Variants in LDLRAD3 observed in about 807,000 individuals in gnomAD.
LDLRAD3 encodes low-density lipoprotein receptor class A domain-containing protein 3.
LDLRAD3 carries 20 observed loss-of-function variants against 29.4 expected under a neutral mutation model. The ratio of observed to expected loss-of-function variants is 0.68; its 90% CI spans 0.48 to 0.99. The LOEUF is 0.99. Ranked by LOEUF, LDLRAD3 falls within the 50% of genes least tolerant of loss-of-function variation. LDLRAD3 has a pLI of 0.00. For synonymous variants in LDLRAD3, 157 were observed against 192.7 expected (o/e 0.81, Z 1.53); for missense variants, 420 against 454.3 (o/e 0.92, Z 0.69).
chr11:36,066,604 T>C (rs1441050551), intron 2 of LDLRAD3, among the ~76,000 whole-genome samples: 3 of 152,252 alleles, frequency 2.0e-5, no homozygotes, highest in African/African-American at 7.2e-5. Flanking sequence ...CTTTACATTA[T>C]AATTTCCTAA....
At chr11:36,176,645 T>C (rs944768143) in intron 4 of LDLRAD3, among the ~76,000 whole-genome samples, 19 of 152,170 alleles carry the variant, frequency 1.2e-4, no homozygotes, top group Non-Finnish European at 2.1e-4. Context: ...CTAGGACCAC[T>C]CCCTTCTAGC....
intron 4 of LDLRAD3, among the ~76,000 whole-genome samples, chr11:36,155,153 T>C (rs1854329932): frequency 6.6e-6 from 1 of 152,148 alleles, no homozygotes; most frequent in Admixed American, 6.6e-5. Flanking sequence ...CTCCCCAGAG[T>C]GGATCACAGC....
intron 4 of LDLRAD3, among the ~76,000 whole-genome samples, chr11:36,131,152 AGGCTCAT>A (rs1159427014): frequency 1.3e-5 from 2 of 152,228 alleles, no homozygotes; most frequent in Admixed American, 6.5e-5. Flanking sequence ...CATGCCTGTA[AGGCTCAT>A]GCCTTGAGAG....
At position 36,213,440 on chromosome 11, in the gene LDLRAD3, G is replaced by A. The variant is rs566095577; in HGVS notation, c.455-13645G>A. On this transcript the variant is annotated intron_variant, in intron 4 of 5. Coordinates refer to ENST00000315571, the MANE Select transcript of LDLRAD3 (RefSeq NM_174902.4). This position sits in a 1 kb window ranked among gnomAD's most constrained non-coding sequence, Gnocchi z 4.1. ...AATCCGCATCTAAATTGGGATGGGT[G>A]ATGTGCTTGGAATAGGGATCCGCAA... 6.6e-6 allele frequency among the ~76,000 whole-genome samples: 1 copy of A among 152,364 alleles called. No homozygotes were observed. The highest frequency in any genetic ancestry group is 1.9e-4 in the East Asian group (1 of 5,182).
chr11:36,141,168 G>T (rs1346855693), intron 4 of LDLRAD3, among the ~76,000 whole-genome samples: 1 of 152,148 alleles, frequency 6.6e-6, no homozygotes, highest in East Asian at 1.9e-4. Flanking sequence ...ATGTGAAAAT[G>T]CTCTGTCAAC....
intron 4 of LDLRAD3, among the ~76,000 whole-genome samples, chr11:36,146,104 T>C (rs1257245680): frequency 2.0e-5 from 3 of 151,818 alleles, no homozygotes; most frequent in Admixed American, 6.5e-5. Flanking sequence ...GCCAAATGAA[T>C]GGGTGCTGGT....
chr11:36,014,794 A>G (rs1355296721), intron 1 of LDLRAD3, among the ~76,000 whole-genome samples: 1 of 152,214 alleles, frequency 6.6e-6, no homozygotes, highest in African/African-American at 2.4e-5. Flanking sequence ...TCAAACATAA[A>G]TTATTCTGGA....
At chr11:36,050,698 A>G (rs1852514271) in intron 2 of LDLRAD3, among the ~76,000 whole-genome samples, 3 of 152,212 alleles carry the variant, frequency 2.0e-5, no homozygotes, top group Admixed American at 6.5e-5. Flanking sequence ...GTGTCCCTTT[A>G]GAAGGATGTA....
intron 1 of LDLRAD3, among the ~76,000 whole-genome samples, chr11:35,970,519 T>C (rs1590694662): frequency 6.6e-6 from 1 of 152,200 alleles, no homozygotes; most frequent in Non-Finnish European, 1.5e-5. Context: ...GCCTCTAGAA[T>C]TGTGAAAGAA....
intron 4 of LDLRAD3, among the ~76,000 whole-genome samples, chr11:36,159,761 G>A (rs1208368437): frequency 6.6e-6 from 1 of 151,898 alleles, no homozygotes; most frequent in African/African-American, 2.4e-5. Flanking sequence ...AACAGAGCGA[G>A]GCCCTCAAAA....
At chr11:36,003,279 T>C (rs1851846393) in intron 1 of LDLRAD3, among the ~76,000 whole-genome samples, 1 of 152,206 alleles carries the variant, frequency 6.6e-6, no homozygotes, top group Non-Finnish European at 1.5e-5. Context: ...GCTGCCAGGT[T>C]CTGTTCTAAT....
In LDLRAD3 at chr11:36,213,349, C is replaced by T. The variant is rs1476178719; in HGVS notation, c.455-13736C>T. On this transcript the variant is annotated intron_variant, in intron 4 of 5. Coordinates refer to ENST00000315571, the MANE Select transcript of LDLRAD3 (RefSeq NM_174902.4). This position sits in a 1 kb window ranked among gnomAD's most constrained non-coding sequence, Gnocchi z 4.1. ...TTGAGTTGCCATGGTAATGGTTCAG[C>T]GGGGTTTTCATGGCTCTCTTTTGAT... Among the ~76,000 whole-genome samples, 2 of 152,200 alleles carry T rather than the reference C, an allele frequency of 1.3e-5. No individual in the cohort carries two copies. Among genetic ancestry groups the T allele is most frequent in the Non-Finnish European group, 2.9e-5 (2 of 68,030 alleles).
At chr11:36,021,745 G>T (rs1295248718) in intron 1 of LDLRAD3, among the ~76,000 whole-genome samples, 2 of 152,158 alleles carry the variant, frequency 1.3e-5, no homozygotes, top group African/African-American at 4.8e-5. Context: ...GGGCTCAAGT[G>T]ATCCTCCCAC....
In LDLRAD3 at chr11:36,098,310, G is replaced by A. The variant is rs370552901; in HGVS notation, c.320-17G>A. On this transcript the variant is annotated splice_polypyrimidine_tract_variant and intron_variant, in intron 3 of 5. Transcript: ENST00000315571. ...TTGCTGGCCTCCCTGGTAATGTGCTGTGTTTTCCCTCTGCAGCAGCAAACC... is the reference window on the plus strand; with the variant it reads ...TTGCTGGCCTCCCTGGTAATGTGCTATGTTTTCCCTCTGCAGCAGCAAACC... The A allele has an allele frequency of 2.5e-6, 4 of 1,613,366 alleles. No homozygotes were observed. In the African/African-American group the frequency reaches 4.0e-5, roughly 16 times the overall value.
chr11:35,962,784 T>C (rs1387435547), intron 1 of LDLRAD3, among the ~76,000 whole-genome samples: 2 of 152,168 alleles, frequency 1.3e-5, no homozygotes, highest in African/African-American at 4.8e-5. Context: ...TTTGCATACA[T>C]AGGACACCAT....
chr11:36,004,225 G>A (rs1376831372), intron 1 of LDLRAD3, among the ~76,000 whole-genome samples: 2 of 152,184 alleles, frequency 1.3e-5, no homozygotes, highest in Admixed American at 6.5e-5. Context: ...TTCTGCCTAT[G>A]AGCCTGTAAA....
chr11:36,020,979 T>G (rs1219859437), intron 1 of LDLRAD3, among the ~76,000 whole-genome samples: 1 of 152,072 alleles, frequency 6.6e-6, no homozygotes, highest in Non-Finnish European at 1.5e-5. Context: ...TGGGACATAT[T>G]AATGAAAGCA....
chr11:36,059,800 C>G (rs757793723), intron 2 of LDLRAD3, among the ~76,000 whole-genome samples: 7 of 152,142 alleles, frequency 4.6e-5, no homozygotes, highest in Non-Finnish European at 1.0e-4. Context: ...TTTTCATCCT[C>G]CCCTGACTAG....
At chr11:36,064,819 G>A (rs1336617289) in intron 2 of LDLRAD3, among the ~76,000 whole-genome samples, 1 of 152,078 alleles carries the variant, frequency 6.6e-6, no homozygotes, top group African/African-American at 2.4e-5. Flanking sequence ...CCACATACTT[G>A]TGAGTTTCAC....
Sources: gnomAD v4.1 joint callset for allele counts (sites outside exome capture counted in the v4.1 genomes callset) on GRCh38, gnomAD v4.1.1 for gene constraint, Gnocchi (gnomAD v3.1) non-coding constraint, MANE v1.5 for transcripts, NCBI Gene and HGNC (gene_info 2026-07-23, HGNC 2026-07-21) for gene names.